Variants in SUCO observed in about 807,000 individuals in gnomAD.
The protein encoded by SUCO is SUN domain containing ossification factor, also known as SUN domain-containing ossification factor.
A neutral mutation model predicts 148.1 loss-of-function variants in SUCO; 57 were observed. The observed-to-expected ratio is 0.38, with a 90% CI of 0.31 to 0.48. The LOEUF is 0.48. Among genes scored for constraint, SUCO ranks in the 20% least tolerant of loss-of-function variants. The probability of loss-of-function intolerance (pLI) is 0.96; values close to 1 mark genes in which losing one functional copy is unlikely to be tolerated. For synonymous variants in SUCO, 470 were observed against 502.7 expected (o/e 0.93, Z 0.87); for missense variants, 1,331 against 1,468.2 (o/e 0.91, Z 1.53).
chr1:172,589,412 G>A lies in SUCO; in HGVS notation c.2311G>A (p.Val771Ile), dbSNP rs1325806288. 1 of 1,613,522 alleles carries A rather than the reference G, an allele frequency of 6.2e-7. No individual in the cohort carries two copies. The highest frequency in any genetic ancestry group is 1.3e-5 in the African/African-American group (1 of 74,890). ...PSPVIPQESS[V>I]EIDNETEQKS... ...ACCAGTGATTCCCCAAGAGAGTTCT[G>A]TTGAGATCGATAATGAAACAGAACA... The change falls in exon 18 of 24, where the codon GTT becomes ATT. Residue 771 changes from valine to isoleucine, a missense_variant. Val to Ile is a conservative substitution (Grantham distance 29). This residue lies in a region of SUCO where 992 missense variants were observed against 1,093.5 expected (regional missense o/e 0.91). Transcript: ENST00000263688.
intron 7 of SUCO, 85 bp from the exon 8 acceptor site, chr1:172,569,961 CT>C: frequency 8.4e-7 from 1 of 1,186,258 alleles, no homozygotes; most frequent in Non-Finnish European, 1.1e-6. Context: ...CAGCTTATTG[CT>C]TTGGAGATCA....
chr1:172,560,135 A>ATC (rs1287627429), intron 6 of SUCO, among the ~76,000 whole-genome samples: 3 of 152,200 alleles, frequency 2.0e-5, no homozygotes, highest in African/African-American at 7.2e-5. Context: ...TGCTAACGTT[A>ATC]TCTTTACCTG....
chr1:172,579,489 A>G (rs1010120521), intron 15 of SUCO, among the ~76,000 whole-genome samples: 3 of 152,038 alleles, frequency 2.0e-5, no homozygotes, highest in Non-Finnish European at 4.4e-5. Context: ...TGTTTCTTCT[A>G]CTCTAATTAG....
chr1:172,600,239 C>G, intron 20 of SUCO, 71 bp downstream of exon 20: 1 of 1,091,858 alleles, frequency 9.2e-7, no homozygotes, highest in Non-Finnish European at 1.3e-6. Context: ...GGCTTGTTAA[C>G]ATGAACATGG....
At chr1:172,597,805 C>A (rs186687707) in intron 19 of SUCO, among the ~76,000 whole-genome samples, 1 of 152,068 alleles carries the variant, frequency 6.6e-6, no homozygotes, top group African/African-American at 2.4e-5. Context: ...AGTGAGGAGG[C>A]CTTATACTGC....
chr1:172,557,747 G>C lies in SUCO; in HGVS notation c.685G>C (p.Gly229Arg). The change falls in exon 6 of 24, where the codon GGT becomes CGT. Residue 229 changes from glycine to arginine, a missense_variant. Physicochemically the swap from Gly to Arg is moderately radical, Grantham distance 125 (BLOSUM62 -2). Transcript: ENST00000263688. ...SKVSASEQGG[G>R]DPKSALNASD... ...AGTTTCAGCAAGTGAACAGGGCGGT[G>C]GTGATCCAAAATCTGCATTGAATGC... 1 of 1,609,744 alleles carries C rather than the reference G, an allele frequency of 6.2e-7. No individual in the cohort carries two copies. The highest frequency in any genetic ancestry group is 8.5e-7 in the Non-Finnish European group (1 of 1,178,912).
chr1:172,577,420 C>A, intron 11 of SUCO, 119 bp from the exon 12 acceptor site: 2 of 956,142 alleles, frequency 2.1e-6, no homozygotes, highest in Non-Finnish European at 3.1e-6. Flanking sequence ...TGTTATCCAT[C>A]ACATGACATT....
intron 9 of SUCO, among the ~76,000 whole-genome samples, chr1:172,573,180 C>T (rs1045842723): frequency 2.6e-5 from 4 of 152,122 alleles, no homozygotes; most frequent in African/African-American, 9.7e-5. Context: ...ATCCATCATT[C>T]CCAAAAGTTT....
chr1:172,569,148 G>A lies in SUCO; in HGVS notation c.856+6G>A. ...GGAAGTAGAAAAAGAAAAAAGTAAG[G>A]AAGTATTTGAGTTCTTTAAATTTTT... is the stretch of plus-strand genomic sequence containing the variant. On this transcript the variant is annotated splice_donor_region_variant and intron_variant, in intron 7 of 23. Coordinates refer to ENST00000263688, the MANE Select transcript of SUCO (RefSeq NM_014283.5). 5.9e-6 allele frequency: 9 copies of A among 1,535,080 alleles called. No homozygotes were observed. The highest frequency in any genetic ancestry group is 2.5e-5 in the South Asian group (2 of 80,742).
At chr1:172,555,507 A>G (rs1355350492) in intron 3 of SUCO, among the ~76,000 whole-genome samples, 1 of 152,222 alleles carries the variant, frequency 6.6e-6, no homozygotes, top group African/African-American at 2.4e-5. Flanking sequence ...CTCAGGGTCA[A>G]GAACTATGTA....
At chr1:172,570,007 AAT>A (rs1330352906) in intron 7 of SUCO, 38 bp from the exon 8 acceptor site, 12 of 1,324,746 alleles carry the variant, frequency 9.1e-6, no homozygotes, top group East Asian at 9.0e-5. Flanking sequence ...ATAATCATCA[AAT>A]ATATATATAA....
intron 22 of SUCO, among the ~76,000 whole-genome samples, chr1:172,606,506 C>G (rs1246398665): frequency 6.6e-6 from 1 of 151,614 alleles, no homozygotes; most frequent in African/African-American, 2.4e-5. Flanking sequence ...TTGTCCCAAG[C>G]CTTATTTATG....
chr1:172,611,560 G>A lies in SUCO; in HGVS notation c.*1301G>A, dbSNP rs374786181. 109 of 152,564 alleles carry A rather than the reference G, an allele frequency of 7.1e-4. No individual in the cohort carries two copies. The highest frequency in any genetic ancestry group is 2.6e-3 in the African/African-American group (106 of 41,534). 9.5% of individuals were successfully genotyped at this position (152,564 alleles called of 1,614,324 possible). A position where few individuals can be genotyped will look rare whatever the true frequency, so the allele number is the denominator to read the frequency against. On this transcript the variant is annotated 3_prime_UTR_variant, in exon 24 of 24. Coordinates refer to ENST00000263688, the MANE Select transcript of SUCO (RefSeq NM_014283.5). ...TTGTTTGTAATGTGACTTATTTAACGCCTTTTTTGTTTGTTTAAGTTGCTG... is the reference window on the plus strand; with the variant it reads ...TTGTTTGTAATGTGACTTATTTAACACCTTTTTTGTTTGTTTAAGTTGCTG...
chr1:172,609,822 C>T lies in SUCO; in HGVS notation c.3328C>T (p.Arg1110Cys), dbSNP rs769491407. The T allele has an allele frequency of 3.8e-6, 6 of 1,593,134 alleles. No individual in the cohort carries two copies. Among genetic ancestry groups the T allele is most frequent in the Admixed American group, 1.8e-5 (1 of 54,640 alleles). Reference protein sequence around the residue: ...LKFSPEKKKKRCKYKIEKIET... With the variant: ...LKFSPEKKKKCCKYKIEKIET... ...TCTTTTACTTGTGTTGTAGAAGAAG[C>T]GCTGCAAGTACAAAATTGAAAAAAT... Residue 1110 changes from arginine (R) to cysteine (C), a missense_variant, in exon 24 of 24, where the codon CGC (arginine) becomes TGC (cysteine). This residue lies in a region of SUCO where 334 missense variants were observed against 352.3 expected (regional missense o/e 0.95). Coordinates refer to ENST00000263688, the MANE Select transcript of SUCO (RefSeq NM_014283.5).
At chr1:172,601,891 ATT>A in intron 20 of SUCO, 171 bp from the exon 21 acceptor site, 1 of 238,302 alleles carries the variant, frequency 4.2e-6, no homozygotes, top group Non-Finnish European at 6.8e-6. Flanking sequence ...GCTGCAAAGA[ATT>A]TTTTTTCTTT....
chr1:172,578,266 T>A (rs1439086606), intron 13 of SUCO, 32 bp from the exon 14 acceptor site: 1 of 1,472,678 alleles, frequency 6.8e-7, no homozygotes, highest in East Asian at 2.3e-5. Flanking sequence ...GTGTTTTGTT[T>A]TGGAAGTCTT....
chr1:172,590,411 C>A, intron 18 of SUCO: 1 of 965,878 alleles, frequency 1.0e-6, no homozygotes, highest in South Asian at 4.8e-5. Flanking sequence ...CATCCTAGTT[C>A]TAGTTGTAAT....
chr1:172,596,588 C>T (rs969404765), intron 19 of SUCO, among the ~76,000 whole-genome samples: 2 of 152,224 alleles, frequency 1.3e-5, no homozygotes, highest in African/African-American at 4.8e-5. Context: ...CCAGTGGAGG[C>T]TGCAGAACAG....
At chr1:172,598,891 T>C (rs1471043443) in intron 19 of SUCO, among the ~76,000 whole-genome samples, 2 of 152,180 alleles carry the variant, frequency 1.3e-5, no homozygotes, top group East Asian at 3.8e-4. Flanking sequence ...CCATAGTGGA[T>C]CACAGTAAGG....
Sources: gnomAD v4.1 joint callset for allele counts (sites outside exome capture counted in the v4.1 genomes callset) on GRCh38, gnomAD v4.1.1 for gene constraint, gnomAD v4.1.1 regional missense constraint, MANE v1.5 for transcripts, NCBI Gene and HGNC (gene_info 2026-07-23, HGNC 2026-07-21) for gene names.